Variants in TRIM55 observed in about 807,000 individuals in gnomAD.
TRIM55 encodes the protein tripartite motif-containing protein 55.
In TRIM55, 50 loss-of-function variants were observed where a neutral mutation model predicts 60.9. That is an observed-to-expected ratio of 0.82 (90% CI 0.65 to 1.04). The LOEUF is 1.04. Ranked by LOEUF, TRIM55 falls within the 50% of genes least tolerant of loss-of-function variation. The pLI is 0.00. For synonymous variants in TRIM55, 237 were observed against 238.1 expected (o/e 1.00, Z 0.04); for missense variants, 681 against 666.9 (o/e 1.02, Z -0.23).
chr8:66,127,836 A>T (rs1452932417), intron 1 of TRIM55, among the ~76,000 whole-genome samples: 1 of 152,254 alleles, frequency 6.6e-6, no homozygotes, highest in Non-Finnish European at 1.5e-5. Context: ...CTCTGTCTCA[A>T]AAAAAGAAAA....
chr8:66,174,727 A>C lies in TRIM55; in HGVS notation c.*134A>C. The C allele has an allele frequency of 1.1e-6, 1 of 942,626 alleles. No individual in the cohort carries two copies. Among genetic ancestry groups the C allele is most frequent in the Non-Finnish European group, 1.5e-6 (1 of 681,662 alleles). 58.4% of individuals were successfully genotyped at this position (942,626 alleles called of 1,614,324 possible). ...AGGATTTCTGCAAAAATAGCCCCAA[A>C]CTGCAATTCCATATGACTTATCTAA... On this transcript the variant is annotated 3_prime_UTR_variant, in exon 10 of 10. Coordinates refer to ENST00000315962, the MANE Select transcript of TRIM55 (RefSeq NM_184085.2).
chr8:66,116,880 T>C, the TRIM55 span, among the ~76,000 whole-genome samples: 1 of 152,210 alleles, frequency 6.6e-6, no homozygotes, highest in Non-Finnish European at 1.5e-5. Flanking sequence ...CCAATATAGC[T>C]TATGAATGTA....
intron 9 of TRIM55, among the ~76,000 whole-genome samples, chr8:66,161,392 T>A (rs745949096): frequency 1.3e-5 from 2 of 152,192 alleles, no homozygotes; most frequent in Non-Finnish European, 2.9e-5. Context: ...TATATGCCTA[T>A]TTTTATACCA....
At chr8:66,137,042 C>A in intron 3 of TRIM55, 53 bp from the exon 4 acceptor site, 1 of 1,455,502 alleles carries the variant, frequency 6.9e-7, no homozygotes, top group South Asian at 1.2e-5. Flanking sequence ...AATTCACAGT[C>A]GGGGTGGCTA....
intron 9 of TRIM55, among the ~76,000 whole-genome samples, chr8:66,164,283 A>G (rs1025746054): frequency 1.3e-5 from 2 of 152,180 alleles, no homozygotes; most frequent in African/African-American, 4.8e-5. Context: ...AAAGACTGGG[A>G]CGGTTGAGGT....
At chr8:66,157,368 T>C (rs1198944834) in intron 9 of TRIM55, among the ~76,000 whole-genome samples, 2 of 152,220 alleles carry the variant, frequency 1.3e-5, no homozygotes, top group Non-Finnish European at 2.9e-5. Context: ...AAATGGGATA[T>C]GGGCAGGTTG....
chr8:66,157,231 G>C (rs1260301270), intron 9 of TRIM55, among the ~76,000 whole-genome samples: 1 of 152,164 alleles, frequency 6.6e-6, no homozygotes. Flanking sequence ...GGTGGAGCAG[G>C]TGTGGGGAGG....
chr8:66,118,147 G>C, the TRIM55 span, among the ~76,000 whole-genome samples: 12 of 124,692 alleles, frequency 9.6e-5, no homozygotes, highest in African/African-American at 2.6e-4. Context: ...CCAGCCTGGG[G>C]GACAGAGCGA....
At chr8:66,156,691 C>T (rs1299296238) in intron 9 of TRIM55, among the ~76,000 whole-genome samples, 2 of 152,138 alleles carry the variant, frequency 1.3e-5, no homozygotes, top group African/African-American at 4.8e-5. Flanking sequence ...GGCTCACTGA[C>T]TTTTCCCTGG....
rs748053046 is a variant in TRIM55, at chr8:66,127,379, G to A, written c.111G>A (p.Val37=). 1 of 1,614,138 alleles carries A rather than the reference G, an allele frequency of 6.2e-7. No individual in the cohort carries two copies. Among genetic ancestry groups the A allele is most frequent in the Non-Finnish European group, 8.5e-7 (1 of 1,180,010 alleles). ...GCTTAGAGATGTTCACGAAACCTGT[G>A]GTGATTCTCCCTTGTCAGCACAACC... ...PICLEMFTKP[V]VILPCQHNLC... is the part of the protein sequence containing the mutation. The change falls in exon 1 of 10, where the codon GTG becomes GTA. Residue 37 remains valine, a synonymous_variant. Transcript: ENST00000315962.
intron 4 of TRIM55, among the ~76,000 whole-genome samples, chr8:66,149,209 A>G (rs1256464751): frequency 6.6e-6 from 1 of 152,214 alleles, no homozygotes; most frequent in Non-Finnish European, 1.5e-5. Context: ...AACTAGGACA[A>G]TATTGGTATA....
At chr8:66,113,861 G>A in the TRIM55 span, among the ~76,000 whole-genome samples, 1 of 152,204 alleles carries the variant, frequency 6.6e-6, no homozygotes, top group Non-Finnish European at 1.5e-5. Flanking sequence ...GGGGTCCGCG[G>A]GAAGAGGTAT....
At chr8:66,120,162 G>C in the TRIM55 span, among the ~76,000 whole-genome samples, 1 of 151,948 alleles carries the variant, frequency 6.6e-6, no homozygotes, top group South Asian at 2.1e-4. Context: ...GAAGTAATGG[G>C]TATTCAGTAC....
chr8:66,154,794 G>T (rs1042402509), intron 9 of TRIM55, among the ~76,000 whole-genome samples: 14 of 152,202 alleles, frequency 9.2e-5, no homozygotes, highest in African/African-American at 3.4e-4. Context: ...GTCTGTTCTG[G>T]AGAATAACCT....
rs1318068181 is a variant in TRIM55 at position 66,152,551 on chromosome 8, C to T, written c.1160C>T (p.Ala387Val). 1.9e-6 allele frequency: 3 copies of T among 1,614,040 alleles called. No homozygotes were observed. Among genetic ancestry groups the T allele is most frequent in the Admixed American group, 1.7e-5 (1 of 59,998 alleles). Residue 387 changes from alanine to valine, a missense_variant, in exon 8 of 10, where the codon GCC becomes GTC. Transcript: ENST00000315962. Reference sequence around the variant, plus strand: ...CTCTCTCAGGTGGAGCTGCAGGCTGCCCCTGGGGCACTTCCAGTTTCCTCT... The same window carrying T: ...CTCTCTCAGGTGGAGCTGCAGGCTGTCCCTGGGGCACTTCCAGTTTCCTCT... ...SELSQVELQAAPGALPVSSPE... is the reference protein window; with the variant it reads ...SELSQVELQAVPGALPVSSPE...
chr8:66,114,033 C>T, the TRIM55 span, among the ~76,000 whole-genome samples: 1 of 149,436 alleles, frequency 6.7e-6, no homozygotes, highest in Non-Finnish European at 1.5e-5. Flanking sequence ...AGGCGCGCGC[C>T]CGTGGCCATC....
chr8:66,128,195 G>A (rs974221350), intron 1 of TRIM55, 109 bp from the exon 2 acceptor site: 1 of 1,096,736 alleles, frequency 9.1e-7, no homozygotes. Context: ...CTTATGGCAA[G>A]CTTAAAGTAG....
chr8:66,126,431 G>T (rs1028577819), upstream of TRIM55, among the ~76,000 whole-genome samples: 1 of 152,184 alleles, frequency 6.6e-6, no homozygotes, highest in African/African-American at 2.4e-5. Flanking sequence ...GGAAAGCAAT[G>T]TGGAAGAGCA....
At chr8:66,167,486 T>C (rs2128985949) in intron 9 of TRIM55, among the ~76,000 whole-genome samples, 1 of 152,308 alleles carries the variant, frequency 6.6e-6, no homozygotes, top group East Asian at 1.9e-4. Flanking sequence ...TTCCATAACC[T>C]GTCCTCTCCA....
Sources: allele counts gnomAD v4.1 joint callset (sites outside exome capture counted in the v4.1 genomes callset), GRCh38; gene constraint gnomAD v4.1.1; transcripts MANE v1.5; gene names NCBI Gene and HGNC (gene_info 2026-07-23, HGNC 2026-07-21).